Variants in SGMS1 observed in about 807,000 individuals in gnomAD.
The protein encoded by SGMS1 is sphingomyelin synthase 1.
SGMS1 carries 13 observed loss-of-function variants against 46.2 expected under a neutral mutation model. The observed-to-expected ratio is 0.28, with a 90% confidence interval of 0.18 to 0.45. The LOEUF is 0.45. Among genes scored for constraint, SGMS1 ranks in the 20% least tolerant of loss-of-function variants. The pLI, the probability that SGMS1 is intolerant of heterozygous loss-of-function variation, is 1.00. For missense variants in SGMS1, 324 were observed against 519.9 expected (o/e 0.62, Z 3.66); for synonymous variants, 203 against 187.8 (o/e 1.08, Z -0.66).
intron 6 of SGMS1, among the ~76,000 whole-genome samples, chr10:50,408,444 A>AAAAAAAAAAAC (rs1554935188): frequency 2.2e-3 from 328 of 148,050 alleles, no homozygotes; most frequent in Non-Finnish European, 3.7e-3. Context: ...AAAAAAAAAA[A>AAAAAAAAAAAC]AAAAAAAAAA....
chr10:50,545,292 A>G (rs1413354530), intron 2 of SGMS1, among the ~76,000 whole-genome samples: 1 of 152,222 alleles, frequency 6.6e-6, no homozygotes, highest in Non-Finnish European at 1.5e-5. Context: ...TGAATTTAAA[A>G]AGAAGTATTT....
chr10:50,384,669 C>T (rs56208258), intron 6 of SGMS1, among the ~76,000 whole-genome samples: 9,124 of 151,944 alleles, frequency 0.06, 632 homozygotes, highest in African/African-American at 0.17. Context: ...AGCCTGGTCT[C>T]GAACTTCTGG....
rs200656130 is a variant in SGMS1 at position 50,479,790 on chromosome 10, C to T, written c.-497-12858G>A. On this transcript the variant is annotated intron_variant, in intron 3 of 10. Coordinates refer to ENST00000361781, the MANE Select transcript of SGMS1 (RefSeq NM_147156.4). ...GATGTATATATATTTTTTATATATACATCATTATATGGATACATCCTTTAA... is the reference window on the plus strand; with the variant it reads ...GATGTATATATATTTTTTATATATATATCATTATATGGATACATCCTTTAA... 3.6e-4 allele frequency among the ~76,000 whole-genome samples: 55 copies of T among 152,102 alleles called. 1 individual carries two copies. The East Asian group carries it at 0.01, about 28-fold the overall frequency.
intron 6 of SGMS1, among the ~76,000 whole-genome samples, chr10:50,356,964 GC>G (rs1256517724): frequency 1.4e-4 from 22 of 151,936 alleles, no homozygotes; most frequent in African/African-American, 5.1e-4. Flanking sequence ...TATACCTAAT[GC>G]TAAATGACGA....
intron 2 of SGMS1, among the ~76,000 whole-genome samples, chr10:50,533,215 A>G (rs1837970688): frequency 6.6e-6 from 1 of 152,240 alleles, no homozygotes; most frequent in South Asian, 2.1e-4. Context: ...ATCTTTGACA[A>G]AGATGATGAA....
upstream of SGMS1, chr10:50,624,248 ATCCCTTGGG>A (rs1564447226): frequency 2.2e-6 from 1 of 451,874 alleles, no homozygotes; most frequent in Non-Finnish European, 2.9e-6. Flanking sequence ...GGGACGGTAA[ATCCCTTGGG>A]GCAGGGCCGG....
intron 7 of SGMS1, among the ~76,000 whole-genome samples, chr10:50,339,921 T>A (rs566974396): frequency 1.2e-4 from 18 of 152,266 alleles, no homozygotes; most frequent in Non-Finnish European, 2.5e-4. Flanking sequence ...AGCTTCAGGC[T>A]AAGGAGCTGG....
chr10:50,565,744 T>C (rs923303363), intron 2 of SGMS1, among the ~76,000 whole-genome samples: 5 of 152,276 alleles, frequency 3.3e-5, no homozygotes, highest in African/African-American at 1.2e-4. Flanking sequence ...CTGAGTTGCC[T>C]ACGTTGGGGG....
chr10:50,439,187 C>T (rs181410636), intron 5 of SGMS1, among the ~76,000 whole-genome samples: 1 of 152,214 alleles, frequency 6.6e-6, no homozygotes, highest in Non-Finnish European at 1.5e-5. Context: ...AATATGGGCG[C>T]CTTAAAAACC....
At chr10:50,367,682 C>T (rs190893364) in intron 6 of SGMS1, among the ~76,000 whole-genome samples, 8 of 152,308 alleles carry the variant, frequency 5.3e-5, no homozygotes, top group African/African-American at 1.9e-4. Context: ...TCTTTGAAAA[C>T]AAATATCCAT....
At chr10:50,463,420 T>C (rs1186346231) in intron 4 of SGMS1, among the ~76,000 whole-genome samples, 2 of 152,216 alleles carry the variant, frequency 1.3e-5, no homozygotes, top group African/African-American at 4.8e-5. Context: ...GAAAAGATGC[T>C]TAACATCCCT....
chr10:50,593,096 T>G (rs1033447398), intron 1 of SGMS1, among the ~76,000 whole-genome samples: 1 of 152,208 alleles, frequency 6.6e-6, no homozygotes, highest in Non-Finnish European at 1.5e-5. Context: ...TGTTCTGATA[T>G]GAGGACACGC....
At chr10:50,439,633 A>G (rs752503533) in intron 5 of SGMS1, among the ~76,000 whole-genome samples, 24 of 152,250 alleles carry the variant, frequency 1.6e-4, no homozygotes, top group Non-Finnish European at 2.5e-4. Flanking sequence ...AAGCTCCTAC[A>G]GTACTTCTAA....
rs1342062770 is a variant in SGMS1, at chr10:50,307,524, T to C, written c.1063-203A>G. On this transcript the variant is annotated intron_variant, in intron 10 of 10. Coordinates refer to ENST00000361781, the MANE Select transcript of SGMS1 (RefSeq NM_147156.4). The surrounding 1 kb of genome is among the most constrained non-coding windows in gnomAD (Gnocchi z 4.2). The stretch of plus-strand genomic sequence containing the variant: ...ATCCCAGTAGAAAAACAACGCCAAT[T>C]CTGGGAGGGCAAGGAGAACTTATGG... Among the ~76,000 whole-genome samples the C allele has an allele frequency of 1.3e-5, 2 of 152,062 alleles. No individual in the cohort carries two copies. The highest frequency in any genetic ancestry group is 1.5e-5 in the Non-Finnish European group (1 of 68,016).
chr10:50,310,855 T>C (rs531274724), intron 9 of SGMS1, among the ~76,000 whole-genome samples: 13 of 152,334 alleles, frequency 8.5e-5, no homozygotes, highest in Admixed American at 5.9e-4. Flanking sequence ...CTCAGGCATG[T>C]AGCATAGTGC....
intron 3 of SGMS1, among the ~76,000 whole-genome samples, chr10:50,484,836 A>T (rs937320041): frequency 6.4e-4 from 97 of 152,220 alleles, no homozygotes; most frequent in African/African-American, 2.2e-3. Context: ...CCTTCAACAA[A>T]ATTCAACATC....
intron 3 of SGMS1, among the ~76,000 whole-genome samples, chr10:50,485,829 G>C (rs770453119): frequency 1.3e-5 from 2 of 152,120 alleles, no homozygotes; most frequent in African/African-American, 4.8e-5. Flanking sequence ...GAGCCCAGGA[G>C]GCAAAGGTTG....
At chr10:50,609,828 C>G (rs1227413432) in intron 1 of SGMS1, among the ~76,000 whole-genome samples, 1 of 151,954 alleles carries the variant, frequency 6.6e-6, no homozygotes, top group Non-Finnish European at 1.5e-5. Flanking sequence ...ACCCTCTAGA[C>G]CCTTATCTTG....
chr10:50,540,730 G>A (rs543625358), intron 2 of SGMS1, among the ~76,000 whole-genome samples: 1 of 152,302 alleles, frequency 6.6e-6, no homozygotes, highest in East Asian at 1.9e-4. Flanking sequence ...CAACTGCCAG[G>A]TCATGCGAGT....
Sources: allele counts gnomAD v4.1 joint callset (sites outside exome capture counted in the v4.1 genomes callset), GRCh38; gene constraint gnomAD v4.1.1; non-coding constraint Gnocchi (gnomAD v3.1); transcripts MANE v1.5; gene names NCBI Gene and HGNC (gene_info 2026-07-23, HGNC 2026-07-21).